Variants in UBE2N observed in about 807,000 individuals in gnomAD.
The protein encoded by UBE2N is ubiquitin conjugating enzyme E2 N.
For synonymous variants in UBE2N, 70 were observed against 69.2 expected (o/e 1.01, Z -0.06); for missense variants, 60 against 192.1 (o/e 0.31, Z 4.07).
intron 1 of UBE2N, among the ~76,000 whole-genome samples, chr12:93,437,040 A>G (rs147290127): frequency 6.6e-6 from 1 of 152,278 alleles, no homozygotes; most frequent in Non-Finnish European, 1.5e-5. Flanking sequence ...AGGTGGAAGA[A>G]TCACTTGAGC....
intron 1 of UBE2N, among the ~76,000 whole-genome samples, chr12:93,435,207 T>C (rs911992949): frequency 3.9e-5 from 6 of 152,170 alleles, no homozygotes; most frequent in African/African-American, 1.4e-4. Flanking sequence ...GCGCGGTGAC[T>C]CACACCTGTA....
At chr12:93,432,292 T>A (rs1415365453) in intron 1 of UBE2N, among the ~76,000 whole-genome samples, 1 of 152,124 alleles carries the variant, frequency 6.6e-6, no homozygotes, top group African/African-American at 2.4e-5. Flanking sequence ...AAATGCATAT[T>A]ATGCATTCAA....
rs550203994 is a variant in UBE2N, at chr12:93,434,318, T to C, written c.30+7537A>G. ...CAAAAAAAAACTCTGGTTTTAAGAGTGGTCATTAACACGTGTGGAAAAAAT... is the reference window on the plus strand; with the variant it reads ...CAAAAAAAAACTCTGGTTTTAAGAGCGGTCATTAACACGTGTGGAAAAAAT... On this transcript the variant is annotated intron_variant, in intron 1 of 3. Transcript: ENST00000318066. Among the ~76,000 whole-genome samples, 277 of 152,058 alleles carry C rather than the reference T, an allele frequency of 1.8e-3. 2 individuals are homozygous for C. The highest frequency in any genetic ancestry group is 6.5e-3 in the African/African-American group (270 of 41,476).
intron 1 of UBE2N, among the ~76,000 whole-genome samples, chr12:93,433,986 G>A (rs1283167375): frequency 6.6e-6 from 1 of 152,204 alleles, no homozygotes; most frequent in Non-Finnish European, 1.5e-5. Context: ...AGAAAGAAAA[G>A]GATAGAACAG....
intron 1 of UBE2N, among the ~76,000 whole-genome samples, chr12:93,430,967 G>C (rs956775706): frequency 6.6e-6 from 1 of 150,606 alleles, no homozygotes; most frequent in African/African-American, 2.4e-5. Context: ...AGTGGCTCAT[G>C]CCTGTAATCC....
chr12:93,405,915 A>G lies in UBE2N; in HGVS notation c.*4124T>C, dbSNP rs1877785855. On this transcript the variant is annotated 3_prime_UTR_variant, in exon 4 of 4. Coordinates refer to ENST00000318066, the MANE Select transcript of UBE2N (RefSeq NM_003348.4). Reference sequence around the variant, plus strand: ...AAATTAGGTACCCTATTATCATGGTATTTTCTTTTTTGGCCAGCTTTTCTA... The same window carrying G: ...AAATTAGGTACCCTATTATCATGGTGTTTTCTTTTTTGGCCAGCTTTTCTA... The G allele has an allele frequency of 6.6e-6, 1 of 152,042 alleles. No individual in the cohort carries two copies. Among genetic ancestry groups the G allele is most frequent in the Non-Finnish European group, 1.5e-5 (1 of 67,988 alleles). The allele number at this position is 152,042 out of a possible 1,614,324, so 9.4% of individuals were successfully genotyped here. A position where few individuals can be genotyped will look rare whatever the true frequency, so the allele number is the denominator to read the frequency against.
chr12:93,416,556 C>A (rs910494035), intron 1 of UBE2N, among the ~76,000 whole-genome samples: 1 of 151,580 alleles, frequency 6.6e-6, no homozygotes, highest in African/African-American at 2.4e-5. Flanking sequence ...CAAGTGAGCA[C>A]CTGGCTAATT....
At chr12:93,438,544 C>T (rs1879005354) in intron 1 of UBE2N, among the ~76,000 whole-genome samples, 2 of 151,610 alleles carry the variant, frequency 1.3e-5, no homozygotes, top group African/African-American at 4.9e-5. Context: ...AAGTAGGCAT[C>T]CCAAATGAAT....
At chr12:93,420,903 C>G (rs1425457561) in intron 1 of UBE2N, among the ~76,000 whole-genome samples, 2 of 152,136 alleles carry the variant, frequency 1.3e-5, no homozygotes, top group Admixed American at 6.6e-5. Flanking sequence ...TTTTCCTCCC[C>G]ACCAGTCTGT....
intron 1 of UBE2N, among the ~76,000 whole-genome samples, chr12:93,416,129 T>G (rs1341332623): frequency 6.6e-6 from 1 of 152,196 alleles, no homozygotes; most frequent in South Asian, 2.1e-4. Flanking sequence ...TGCATAATTA[T>G]TTCACTAAAC....
At chr12:93,416,857 CA>C (rs4020452) in intron 1 of UBE2N, among the ~76,000 whole-genome samples, 14,028 of 88,536 alleles carry the variant, frequency 0.16, 2,350 homozygotes, top group African/African-American at 0.47. Flanking sequence ...CCATCACTAC[CA>C]AAAAAAAAAA....
At chr12:93,410,305 G>T in intron 3 of UBE2N, 2 of 516,788 alleles carry the variant, frequency 3.9e-6, no homozygotes, top group Non-Finnish European at 6.7e-6. Context: ...TCAAGAGGAT[G>T]AATCAAGTTG....
At chr12:93,439,206 G>A (rs1879025588) in intron 1 of UBE2N, among the ~76,000 whole-genome samples, 1 of 152,180 alleles carries the variant, frequency 6.6e-6, no homozygotes, top group Non-Finnish European at 1.5e-5. Context: ...CAAAGGTCAG[G>A]CGGGGCACAG....
chr12:93,437,129 AAAAAT>A (rs1257566962), intron 1 of UBE2N, among the ~76,000 whole-genome samples: 2 of 152,078 alleles, frequency 1.3e-5, no homozygotes, highest in Non-Finnish European at 2.9e-5. Flanking sequence ...CAATATTTGA[AAAAAT>A]AAAATAAAGT....
chr12:93,411,500 C>G (rs1248093960), intron 1 of UBE2N, among the ~76,000 whole-genome samples: 1 of 152,130 alleles, frequency 6.6e-6, no homozygotes, highest in African/African-American at 2.4e-5. Context: ...CAAGCGAATA[C>G]TAATGATGTT....
chr12:93,438,749 G>T (rs758154624), intron 1 of UBE2N, among the ~76,000 whole-genome samples: 1 of 152,062 alleles, frequency 6.6e-6, no homozygotes, highest in African/African-American at 2.4e-5. Context: ...TTGAAAGACA[G>T]GGGGGAAAGT....
In UBE2N at chr12:93,434,956, G is replaced by A. The variant is rs536782703; in HGVS notation, c.30+6899C>T. ...TCTTGCCTCTATTACCCAGGCTGGGGTGCAGTGGTGCCACTAATAGCTCAC... is the reference window on the plus strand; with the variant it reads ...TCTTGCCTCTATTACCCAGGCTGGGATGCAGTGGTGCCACTAATAGCTCAC... On this transcript the variant is annotated intron_variant, in intron 1 of 3. Transcript: ENST00000318066. Among the ~76,000 whole-genome samples the A allele has an allele frequency of 1.7e-3, 260 of 151,882 alleles. 1 individual carries two copies. The highest frequency in any genetic ancestry group is 6.2e-3 in the African/African-American group (256 of 41,404).
chr12:93,427,104 G>A (rs1249489129), intron 1 of UBE2N, among the ~76,000 whole-genome samples: 1 of 151,950 alleles, frequency 6.6e-6, no homozygotes, highest in Non-Finnish European at 1.5e-5. Flanking sequence ...ATTTTTAGTA[G>A]AGACAGGGTT....
intron 1 of UBE2N, among the ~76,000 whole-genome samples, chr12:93,415,120 T>C (rs183214754): frequency 1.1e-3 from 164 of 152,260 alleles, no homozygotes; most frequent in African/African-American, 3.8e-3. Flanking sequence ...CTTCTACTTA[T>C]ATTTATTTTT....
Sources: gnomAD v4.1 joint callset for allele counts (sites outside exome capture counted in the v4.1 genomes callset) on GRCh38, gnomAD v4.1.1 for gene constraint, MANE v1.5 for transcripts, NCBI Gene and HGNC (gene_info 2026-07-23, HGNC 2026-07-21) for gene names.